Variants in LCOR observed in about 807,000 individuals in gnomAD.
LCOR encodes the protein ligand-dependent corepressor.
A neutral mutation model predicts 64.4 loss-of-function variants in LCOR; 14 were observed. The ratio of observed to expected loss-of-function variants is 0.22; its 90% CI spans 0.14 to 0.34. The LOEUF (loss-of-function observed/expected upper bound fraction) is 0.34, where lower values mean the gene tolerates loss of function less well. Ranked by LOEUF, LCOR falls within the 10% of genes least tolerant of loss-of-function variation. LCOR has a pLI of 1.00. For missense variants in LCOR, 1,686 were observed against 1,765.3 expected, an observed-to-expected ratio of 0.96 and a Z score of 0.80; for synonymous variants, 643 against 642.5, an observed-to-expected ratio of 1.00 and a Z score of -0.01.
chr10:96,979,543 G>GT (rs1208903611), intron 7 of LCOR, among the ~76,000 whole-genome samples: 1 of 152,186 alleles, frequency 6.6e-6, no homozygotes, highest in African/African-American at 2.4e-5. Context: ...GTGGAAAGGG[G>GT]TTTTTAACAT....
intron 2 of LCOR, among the ~76,000 whole-genome samples, chr10:96,872,065 A>T (rs1336764087): frequency 6.6e-6 from 1 of 152,178 alleles, no homozygotes; most frequent in Non-Finnish European, 1.5e-5. Context: ...AACACCTGAG[A>T]TGAGTACTGT....
chr10:96,956,156 A>G, intron 7 of LCOR: 1 of 1,321,710 alleles, frequency 7.6e-7, no homozygotes, highest in Non-Finnish European at 9.6e-7. Context: ...TCTCTACAAA[A>G]GAGAATTGAG....
At position 96,984,581 on chromosome 10, in the gene LCOR, G is replaced by C. The variant is rs751370200; in HGVS notation, c.4121G>C (p.Ser1374Thr). 8 of 1,614,198 alleles carry C rather than the reference G, an allele frequency of 5.0e-6. No individual in the cohort carries two copies. The highest frequency in any genetic ancestry group is 6.8e-6 in the Non-Finnish European group (8 of 1,180,042). ...GATGGGTTTCCTGTTAAGCCCAAGA[G>C]TACTGAAGGAATGAAGGGAAGGAAG... ...DADGFPVKPK[S>T]TEGMKGRKGK... is the part of the protein sequence containing the mutation. The change falls in exon 8 of 8, where the codon AGT (serine) becomes ACT (threonine). Residue 1374 changes from serine to threonine, a missense_variant. By Grantham distance (58) the Ser-to-Thr change is moderately conservative. This residue lies in a region of LCOR where 1,293 missense variants were observed against 1,410.4 expected (regional missense o/e 0.92). Coordinates refer to ENST00000421806, the MANE Select transcript of LCOR (RefSeq NM_001346516.2).
chr10:96,917,248 G>A (rs1169889395), intron 4 of LCOR, among the ~76,000 whole-genome samples: 1 of 152,184 alleles, frequency 6.6e-6, no homozygotes, highest in African/African-American at 2.4e-5. Context: ...CATTTGGCAG[G>A]TTTATTAAAT....
intron 7 of LCOR, among the ~76,000 whole-genome samples, chr10:96,968,461 G>A (rs1267034014): frequency 1.3e-5 from 2 of 152,200 alleles, no homozygotes; most frequent in Non-Finnish European, 2.9e-5. Flanking sequence ...TTTTTAGGAA[G>A]AGAATGAAAT....
intron 4 of LCOR, among the ~76,000 whole-genome samples, chr10:96,926,538 C>T (rs1394122525): frequency 1.3e-5 from 2 of 152,052 alleles, no homozygotes; most frequent in Non-Finnish European, 2.9e-5. Context: ...TACCCTGAAC[C>T]TATTTTTAAT....
chr10:96,935,711 G>A (rs890001756), intron 4 of LCOR, among the ~76,000 whole-genome samples: 11 of 152,170 alleles, frequency 7.2e-5, no homozygotes, highest in Admixed American at 3.9e-4. Flanking sequence ...GCACACACCC[G>A]TAATCTCAGC....
chr10:96,902,669 A>G (rs1195345521), intron 2 of LCOR, among the ~76,000 whole-genome samples: 2 of 152,206 alleles, frequency 1.3e-5, no homozygotes, highest in Non-Finnish European at 2.9e-5. Flanking sequence ...CTGACTTCGT[A>G]TGAAGGCTCA....
intron 7 of LCOR, chr10:96,957,153 G>A (rs1167081767): frequency 7.1e-6 from 7 of 984,924 alleles, no homozygotes; most frequent in South Asian, 9.4e-5. Flanking sequence ...GAAGGGGGAG[G>A]GAGAGGTGTT....
intron 4 of LCOR, among the ~76,000 whole-genome samples, chr10:96,943,527 A>G (rs1242325297): frequency 2.6e-5 from 4 of 152,248 alleles, no homozygotes. Flanking sequence ...ACTTTTGACC[A>G]CTTAATCAAT....
At position 96,985,327 on chromosome 10, in the gene LCOR, G is replaced by A. The variant is rs1848140173; in HGVS notation, c.*193G>A. 8.0e-6 allele frequency: 5 copies of A among 623,602 alleles called. No individual in the cohort carries two copies. The highest frequency in any genetic ancestry group is 1.3e-5 in the Non-Finnish European group (5 of 399,280). 38.6% of individuals were successfully genotyped at this position (623,602 alleles called of 1,614,324 possible). On this transcript the variant is annotated 3_prime_UTR_variant, in exon 8 of 8. Coordinates refer to ENST00000421806, the MANE Select transcript of LCOR (RefSeq NM_001346516.2). The stretch of plus-strand genomic sequence containing the variant: ...TGCAGAGTCCTTCTCTGAGGCTAAG[G>A]GAAGTTATATATTATATTCTGGTTG...
chr10:96,984,731 A>G lies in LCOR; in HGVS notation c.4271A>G (p.His1424Arg). Residue 1424 changes from histidine (H) to arginine (R), a missense_variant, in exon 8 of 8, where the codon CAT becomes CGT. Coordinates refer to ENST00000421806, the MANE Select transcript of LCOR (RefSeq NM_001346516.2). ...ACGGTGAAAGCCAGCAAAGAAAAGC[A>G]TGCTGATGGAGCCACCAAAACCCCT... ...GPTVKASKEK[H>R]ADGATKTPAA... is the part of the protein sequence containing the mutation. 6 of 1,613,892 alleles carry G rather than the reference A, an allele frequency of 3.7e-6. No homozygotes were observed. The highest frequency in any genetic ancestry group is 5.1e-6 in the Non-Finnish European group (6 of 1,179,970).
Position 96,985,094 on chromosome 10 carries a change from A to G in LCOR, c.4634A>G (p.Asp1545Gly). 3 of 1,607,338 alleles carry G rather than the reference A, an allele frequency of 1.9e-6. No homozygotes were observed. The highest frequency in any genetic ancestry group is 2.5e-6 in the Non-Finnish European group (3 of 1,178,274). The change falls in exon 8 of 8, where the codon GAC becomes GGC. Residue 1545 changes from aspartate to glycine, a missense_variant. Physicochemically the swap from Asp to Gly is moderately conservative, Grantham distance 94 (BLOSUM62 -1). Transcript: ENST00000421806. ...QRKRKLKAKL[D>G]CSHSKRRRLD... ...AAGCGAAAGCTGAAGGCAAAGCTGG[A>G]CTGTTCGCACAGCAAACGGAGGCGG...
At chr10:96,970,961 G>A (rs1847994516) in intron 7 of LCOR, among the ~76,000 whole-genome samples, 1 of 152,104 alleles carries the variant, frequency 6.6e-6, no homozygotes, top group Admixed American at 6.5e-5. Context: ...GAGTACATAG[G>A]ATTATAGTAA....
intron 2 of LCOR, among the ~76,000 whole-genome samples, chr10:96,864,196 A>G (rs890183059): frequency 1.3e-5 from 2 of 152,226 alleles, no homozygotes; most frequent in African/African-American, 4.8e-5. Context: ...AGAAGGGACC[A>G]ATAGGTAGAA....
At chr10:96,906,509 A>G (rs1262749534) in intron 2 of LCOR, among the ~76,000 whole-genome samples, 1 of 152,230 alleles carries the variant, frequency 6.6e-6, no homozygotes, top group Non-Finnish European at 1.5e-5. Context: ...TGGCAAAGAT[A>G]TTTTTAAATT....
intron 4 of LCOR, among the ~76,000 whole-genome samples, chr10:96,924,319 C>T (rs1029568310): frequency 1.3e-5 from 2 of 152,198 alleles, no homozygotes; most frequent in Non-Finnish European, 2.9e-5. Context: ...CCTCCAGCCT[C>T]AGCCCCACAA....
chr10:96,840,718 A>T (rs1239848838), intron 2 of LCOR, among the ~76,000 whole-genome samples: 3 of 152,222 alleles, frequency 2.0e-5, no homozygotes, highest in Admixed American at 6.5e-5. Flanking sequence ...TTAGACTTTA[A>T]ATGTTTTCTA....
chr10:96,859,197 T>A (rs1589610692), intron 2 of LCOR, among the ~76,000 whole-genome samples: 1 of 152,174 alleles, frequency 6.6e-6, no homozygotes, highest in Admixed American at 6.6e-5. Flanking sequence ...TGTTGTACTT[T>A]TGGCTTTGTT....
Sources: allele counts gnomAD v4.1 joint callset (sites outside exome capture counted in the v4.1 genomes callset), GRCh38; gene constraint gnomAD v4.1.1; regional missense constraint gnomAD v4.1.1; transcripts MANE v1.5; gene names NCBI Gene and HGNC (gene_info 2026-07-23, HGNC 2026-07-21).